Variants in WDSUB1 observed in about 807,000 individuals in gnomAD.
WDSUB1 encodes the protein WD repeat, sterile alpha motif and U-box domain containing 1.
WDSUB1 carries 49 observed loss-of-function variants against 53.9 expected under a neutral mutation model. That is an observed-to-expected ratio of 0.91 (90% CI 0.72 to 1.15). The LOEUF is 1.15. Among genes scored for constraint, WDSUB1 ranks in the 50% most tolerant of loss-of-function variants. The pLI is 0.00. For synonymous variants in WDSUB1, 194 were observed against 200.6 expected, an observed-to-expected ratio of 0.97 and a Z score of 0.28; for missense variants, 514 against 562.0, an observed-to-expected ratio of 0.91 and a Z score of 0.86.
intron 1 of WDSUB1, among the ~76,000 whole-genome samples, chr2:159,285,594 T>A (rs1223287212): frequency 2.6e-5 from 4 of 151,996 alleles, no homozygotes; most frequent in Admixed American, 1.3e-4. Context: ...TAGTCCCAGC[T>A]ACTCGAGAAG....
chr2:159,241,208 C>T (rs1374841844), intron 10 of WDSUB1, among the ~76,000 whole-genome samples: 2 of 152,176 alleles, frequency 1.3e-5, no homozygotes, highest in African/African-American at 2.4e-5. Context: ...GAACACCTAC[C>T]AGTGCAGGGC....
rs375668050 is a variant in WDSUB1 at position 159,276,836 on chromosome 2, C to T, written c.584-1198G>A. ...TAGGAAAGATGGTAAGACCCTGTCT[C>T]TACAAAAAATTTTTTTAAATTAGCC... On this transcript the variant is annotated intron_variant, in intron 3 of 10. Coordinates refer to ENST00000359774, the MANE Select transcript of WDSUB1 (RefSeq NM_001128212.3). 1.5e-3 allele frequency among the ~76,000 whole-genome samples: 223 copies of T among 152,194 alleles called. 1 individual carries two copies. In the South Asian group the frequency reaches 0.025, roughly 17 times the overall value.
intron 8 of WDSUB1, among the ~76,000 whole-genome samples, chr2:159,257,388 T>C (rs1187229811): frequency 2.5e-5 from 1 of 39,998 alleles, no homozygotes; most frequent in Admixed American, 1.8e-4. Context: ...ATTTACTAAC[T>C]TTTTTTTTTT....
chr2:159,276,534 T>A (rs1324205978), intron 3 of WDSUB1, among the ~76,000 whole-genome samples: 1 of 152,204 alleles, frequency 6.6e-6, no homozygotes, highest in East Asian at 1.9e-4. Context: ...TAATCAGTTA[T>A]ATGGTGTCCC....
At chr2:159,271,861 AC>A in intron 4 of WDSUB1, 66 bp from the exon 5 acceptor site, 1 of 1,258,194 alleles carries the variant, frequency 7.9e-7, no homozygotes, top group Non-Finnish European at 1.1e-6. Context: ...TTAAGTCAAC[AC>A]CATTTCACTT....
intron 5 of WDSUB1, among the ~76,000 whole-genome samples, chr2:159,265,591 C>T (rs952057548): frequency 1.3e-5 from 2 of 152,040 alleles, no homozygotes; most frequent in Non-Finnish European, 2.9e-5. Context: ...AAGTGTAGTC[C>T]CAGCTACTCA....
At chr2:159,256,150 T>C (rs2061056262) in intron 9 of WDSUB1, 46 bp downstream of exon 9, 13 of 1,542,056 alleles carry the variant, frequency 8.4e-6, no homozygotes, top group Middle Eastern at 2.3e-4. Flanking sequence ...GCAGAGTAAT[T>C]TGGTAAAAGT....
intron 10 of WDSUB1, among the ~76,000 whole-genome samples, chr2:159,246,175 G>C (rs954497001): frequency 6.6e-6 from 1 of 152,198 alleles, no homozygotes; most frequent in African/African-American, 2.4e-5. Context: ...GCTCACGCCT[G>C]TAATCCCAGC....
At chr2:159,273,545 C>A (rs1289208444) in intron 4 of WDSUB1, among the ~76,000 whole-genome samples, 2 of 152,062 alleles carry the variant, frequency 1.3e-5, no homozygotes, top group African/African-American at 4.8e-5. Flanking sequence ...CTCAGGCTCC[C>A]AAGAAGCTGG....
At chr2:159,285,822 C>A (rs2061781358) in intron 1 of WDSUB1, among the ~76,000 whole-genome samples, 2 of 152,262 alleles carry the variant, frequency 1.3e-5, no homozygotes. Context: ...GCCTAAAAAC[C>A]AAACACGAAA....
chr2:159,255,421 C>T (rs779418886), intron 9 of WDSUB1, among the ~76,000 whole-genome samples: 3 of 152,006 alleles, frequency 2.0e-5, no homozygotes. Context: ...GAACCGAGAT[C>T]GCGCCACTGC....
chr2:159,242,792 T>C (rs1173557598), intron 10 of WDSUB1, among the ~76,000 whole-genome samples: 2 of 148,276 alleles, frequency 1.3e-5, no homozygotes, highest in Admixed American at 1.3e-4. Flanking sequence ...TTAAAATCGC[T>C]TGTCTGTTTT....
intron 2 of WDSUB1, among the ~76,000 whole-genome samples, chr2:159,280,670 G>T (rs933165769): frequency 1.0e-5 from 1 of 97,202 alleles, no homozygotes; most frequent in African/African-American, 5.7e-5. Context: ...CAGCCTGGGC[G>T]ACAGAGCGAG....
At chr2:159,278,696 G>A (rs1575494048) in intron 3 of WDSUB1, among the ~76,000 whole-genome samples, 1 of 152,168 alleles carries the variant, frequency 6.6e-6, no homozygotes, top group Non-Finnish European at 1.5e-5. Context: ...AACATTCCAG[G>A]AATGAAAGAA....
At chr2:159,241,859 A>G (rs1454436590) in intron 10 of WDSUB1, among the ~76,000 whole-genome samples, 1 of 138,754 alleles carries the variant, frequency 7.2e-6, no homozygotes, top group Non-Finnish European at 1.5e-5. Context: ...TGTTTTCTAT[A>G]GAGTCACTTG....
intron 5 of WDSUB1, among the ~76,000 whole-genome samples, 178 bp downstream of exon 5, chr2:159,271,521 ATGT>A (rs10602474): frequency 0.028 from 4,324 of 152,260 alleles, 192 homozygotes; most frequent in African/African-American, 0.094. Flanking sequence ...ATGATCTAAC[ATGT>A]TGTCACCAAA....
At chr2:159,244,978 A>G (rs1387720562) in intron 10 of WDSUB1, among the ~76,000 whole-genome samples, 1 of 152,202 alleles carries the variant, frequency 6.6e-6, no homozygotes, top group East Asian at 1.9e-4. Flanking sequence ...ACCTAAAGAT[A>G]ATTTTGACAA....
At chr2:159,276,089 C>T (rs1462449692) in intron 3 of WDSUB1, among the ~76,000 whole-genome samples, 3 of 149,490 alleles carry the variant, frequency 2.0e-5, no homozygotes, top group East Asian at 2.0e-4. Flanking sequence ...GATGGAGTCT[C>T]GCTCTGATGC....
chr2:159,262,061 T>C (rs1024877350), intron 5 of WDSUB1, among the ~76,000 whole-genome samples: 10 of 151,248 alleles, frequency 6.6e-5, no homozygotes, highest in African/African-American at 2.4e-4. Context: ...AGCCCAGCCA[T>C]GCTAAGCTTA....
Sources: allele counts gnomAD v4.1 joint callset (sites outside exome capture counted in the v4.1 genomes callset), GRCh38; gene constraint gnomAD v4.1.1; transcripts MANE v1.5; gene names NCBI Gene and HGNC (gene_info 2026-07-23, HGNC 2026-07-21).